The following LRP1B variants were observed in gnomAD, a reference collection of about 807,000 sequenced individuals.
LRP1B encodes the protein low-density lipoprotein receptor-related protein 1B.
LRP1B carries 217 observed loss-of-function variants against 556.6 expected under a neutral mutation model. The ratio of observed to expected loss-of-function variants is 0.39; its 90% CI spans 0.35 to 0.44. The LOEUF is 0.44. Ranked by LOEUF, LRP1B falls within the 20% of genes least tolerant of loss-of-function variation. The probability of loss-of-function intolerance (pLI) is 1.00; values close to 1 mark genes in which losing one functional copy is unlikely to be tolerated. For missense variants in LRP1B, 5,053 were observed against 5,620.8 expected (o/e 0.90, Z 3.23); for synonymous variants, 2,047 against 1,865.8 (o/e 1.10, Z -2.50).
At chr2:140,937,588 T>C (rs1695267337) in intron 20 of LRP1B, among the ~76,000 whole-genome samples, 1 of 152,124 alleles carries the variant, frequency 6.6e-6, no homozygotes, top group African/African-American at 2.4e-5. Flanking sequence ...TTAAAATCTT[T>C]AAGATGGTAA....
chr2:141,036,700 G>A (rs570888759), intron 11 of LRP1B, among the ~76,000 whole-genome samples: 1 of 152,146 alleles, frequency 6.6e-6, no homozygotes, highest in East Asian at 1.9e-4. Context: ...GTCATAGCAA[G>A]CAATGCTAGT....
At chr2:141,524,957 A>G (rs1012895622) in intron 2 of LRP1B, among the ~76,000 whole-genome samples, 3 of 152,164 alleles carry the variant, frequency 2.0e-5, no homozygotes, top group African/African-American at 7.2e-5. Context: ...TGTTTGCACC[A>G]TGTCTTATCA....
At chr2:140,569,579 A>C (rs1171369059) in intron 43 of LRP1B, among the ~76,000 whole-genome samples, 1 of 151,932 alleles carries the variant, frequency 6.6e-6, no homozygotes, top group Non-Finnish European at 1.5e-5. Flanking sequence ...GAAGAAAGGA[A>C]GATAGGCTCC....
intron 1 of LRP1B, among the ~76,000 whole-genome samples, chr2:142,057,433 G>T (rs1380451238): frequency 6.6e-6 from 1 of 152,040 alleles, no homozygotes; most frequent in Non-Finnish European, 1.5e-5. Context: ...GTCAGGGTGA[G>T]GTTGTCAAAT....
In LRP1B at chr2:140,769,203, A is replaced by G. The variant is rs759980273; in HGVS notation, c.5758+10T>C. On this transcript the variant is annotated intron_variant, in intron 35 of 90. Coordinates refer to ENST00000389484, the MANE Select transcript of LRP1B (RefSeq NM_018557.3). ...TATTATGCATAAATTATGACTAAAA[A>G]GCTATTTACCTGCATGGAAATCTAT... 14 of 1,609,872 alleles carry G rather than the reference A, an allele frequency of 8.7e-6. No individual in the cohort carries two copies. In the African/African-American group the frequency reaches 1.9e-4, roughly 22 times the overall value.
intron 43 of LRP1B, among the ~76,000 whole-genome samples, chr2:140,595,402 A>G (rs1682401855): frequency 1.3e-5 from 2 of 151,960 alleles, no homozygotes; most frequent in South Asian, 4.1e-4. Context: ...CCATTTATAA[A>G]AGAACACCCT....
At chr2:141,808,761 C>T (rs921591804) in intron 2 of LRP1B, among the ~76,000 whole-genome samples, 1 of 152,088 alleles carries the variant, frequency 6.6e-6, no homozygotes, top group African/African-American at 2.4e-5. Flanking sequence ...TCCCACCCTA[C>T]CTAGCCCCTG....
chr2:141,657,574 A>G (rs1035564066), intron 2 of LRP1B, among the ~76,000 whole-genome samples: 10 of 151,288 alleles, frequency 6.6e-5, no homozygotes, highest in African/African-American at 1.9e-4. Flanking sequence ...CATTGTTTCA[A>G]TTATACATTT....
chr2:141,858,347 C>T (rs138334542), intron 1 of LRP1B, among the ~76,000 whole-genome samples: 1 of 152,286 alleles, frequency 6.6e-6, no homozygotes, highest in African/African-American at 2.4e-5. Flanking sequence ...TTTCCTCATT[C>T]TACATTGTAA....
In LRP1B at chr2:142,035,374, T is replaced by C. The variant is rs1307557379; in HGVS notation, c.82+95274A>G. 2.0e-5 allele frequency among the ~76,000 whole-genome samples: 3 copies of C among 151,556 alleles called. No homozygotes were observed. The South Asian group carries it at 6.2e-4, about 31-fold the overall frequency. ...CTTGGATGCTTATCAAAATCACCAG[T>C]GGGGCTTTAAAGAAATACAGGTGCC... On this transcript the variant is annotated intron_variant, in intron 1 of 90. Coordinates refer to ENST00000389484, the MANE Select transcript of LRP1B (RefSeq NM_018557.3).
At chr2:141,285,828 A>G (rs1685694707) in intron 3 of LRP1B, among the ~76,000 whole-genome samples, 1 of 147,532 alleles carries the variant, frequency 6.8e-6, no homozygotes, top group Non-Finnish European at 1.5e-5. Flanking sequence ...GCACTTTGGG[A>G]GGCCGAGGCG....
intron 2 of LRP1B, among the ~76,000 whole-genome samples, chr2:141,635,967 C>A (rs1448110564): frequency 6.6e-6 from 1 of 152,074 alleles, no homozygotes; most frequent in Admixed American, 6.6e-5. Flanking sequence ...TCACTCCTGG[C>A]CTTGAGCCTT....
At chr2:141,659,549 C>A (rs1690134321) in intron 2 of LRP1B, among the ~76,000 whole-genome samples, 1 of 151,928 alleles carries the variant, frequency 6.6e-6, no homozygotes, top group African/African-American at 2.4e-5. Context: ...GCAGATGATA[C>A]TGGTGGTTAC....
chr2:141,594,333 G>T (rs1687442001), intron 2 of LRP1B, among the ~76,000 whole-genome samples: 1 of 152,122 alleles, frequency 6.6e-6, no homozygotes, highest in Non-Finnish European at 1.5e-5. Flanking sequence ...ACACTGGGAA[G>T]GCAGATGGTG....
intron 1 of LRP1B, among the ~76,000 whole-genome samples, chr2:142,123,371 A>G (rs1413768341): frequency 1.3e-5 from 2 of 152,172 alleles, no homozygotes; most frequent in African/African-American, 2.4e-5. Flanking sequence ...AAGGATGTCA[A>G]TGCAATGTGG....
At chr2:140,716,970 T>C (rs1275341559) in intron 35 of LRP1B, among the ~76,000 whole-genome samples, 154 bp from the exon 36 acceptor site, 1 of 151,890 alleles carries the variant, frequency 6.6e-6, no homozygotes, top group East Asian at 1.9e-4. Flanking sequence ...CTAATATAAA[T>C]AGTAAAAAAA....
At chr2:140,378,468 A>G (rs1683333303) in intron 67 of LRP1B, among the ~76,000 whole-genome samples, 182 bp from the exon 68 acceptor site, 1 of 152,210 alleles carries the variant, frequency 6.6e-6, no homozygotes, top group Non-Finnish European at 1.5e-5. Flanking sequence ...AATTTTTCCA[A>G]TTTATTTTTA....
intron 31 of LRP1B, among the ~76,000 whole-genome samples, chr2:140,825,103 A>T (rs1691458061): frequency 6.6e-6 from 1 of 152,150 alleles, no homozygotes; most frequent in Admixed American, 6.5e-5. Flanking sequence ...CAGTCCTAAA[A>T]GTGTCTGTTT....
intron 41 of LRP1B, among the ~76,000 whole-genome samples, chr2:140,650,372 G>T (rs1684638955): frequency 1.4e-5 from 2 of 147,602 alleles, no homozygotes; most frequent in South Asian, 2.1e-4. Context: ...TTTTTGAGAA[G>T]GAGTCTCACT....
Sources: allele counts gnomAD v4.1 joint callset (sites outside exome capture counted in the v4.1 genomes callset), GRCh38; gene constraint gnomAD v4.1.1; transcripts MANE v1.5; gene names NCBI Gene and HGNC (gene_info 2026-07-23, HGNC 2026-07-21).